Variants in ARHGAP45 observed in about 807,000 individuals in gnomAD.
The protein encoded by ARHGAP45 is Rho GTPase activating protein 45.
ARHGAP45 carries 56 observed loss-of-function variants against 116.1 expected under a neutral mutation model. The observed-to-expected ratio is 0.48, with a 90% CI of 0.39 to 0.60. ARHGAP45 has a LOEUF of 0.60. Among genes scored for constraint, ARHGAP45 ranks in the 20% least tolerant of loss-of-function variants. The pLI is 0.00. For synonymous variants in ARHGAP45, 866 were observed against 701.7 expected, an observed-to-expected ratio of 1.23 and a Z score of -3.70; for missense variants, 1,622 against 1,601.0, an observed-to-expected ratio of 1.01 and a Z score of -0.22.
rs1469610199 is a variant in ARHGAP45, at chr19:1,084,376, A to C, written c.3064+30A>C. 3.8e-6 allele frequency: 6 copies of C among 1,569,418 alleles called. No homozygotes were observed. In the South Asian group the frequency reaches 6.8e-5, roughly 18 times the overall value. On this transcript the variant is annotated intron_variant, in intron 22 of 22. Coordinates refer to ENST00000313093, the MANE Select transcript of ARHGAP45 (RefSeq NM_012292.5). ...GTGTGTGGCTGCCCGAACGGCCCCA[A>C]GGGAGGCTGGCGTGTGCCACCCATG...
In ARHGAP45 at chr19:1,075,027, G is replaced by A. The variant is rs973960618; in HGVS notation, c.1185+148G>A. ...CATGCGCGGCCTCGCAGGCTGGGCC[G>A]CCCCCCCCAACGCCAAGCCGGGTCG... is the stretch of plus-strand genomic sequence containing the variant. On this transcript the variant is annotated intron_variant, in intron 10 of 22. Coordinates refer to ENST00000313093, the MANE Select transcript of ARHGAP45 (RefSeq NM_012292.5). The A allele has an allele frequency of 3.6e-5, 16 of 441,312 alleles. No individual in the cohort carries two copies. In the East Asian group the frequency reaches 6.8e-4, roughly 19 times the overall value. 27.3% of individuals were successfully genotyped at this position (441,312 alleles called of 1,614,324 possible). A position where few individuals can be genotyped will look rare whatever the true frequency, so the allele number is the denominator to read the frequency against.
Position 1,074,388 on chromosome 19 carries a change from G to A in ARHGAP45, c.974G>A (p.Arg325Lys). Residue 325 changes from arginine (R) to lysine (K), a missense_variant, in exon 8 of 23, where the codon AGA (arginine) becomes AAA (lysine). Coordinates refer to ENST00000313093, the MANE Select transcript of ARHGAP45 (RefSeq NM_012292.5). The stretch of plus-strand genomic sequence containing the variant: ...CTGCAGAAGATCGCTCACAACTGCA[G>A]ACAGAGCGTCATGCAGGAGGTGGGG... The part of the protein sequence containing the change: ...KGLQKIAHNC[R>K]QSVMQEPHMP... 6.3e-7 allele frequency: 1 copy of A among 1,586,788 alleles called. No individual in the cohort carries two copies.
At chr19:1,070,137 A>T (rs2043112905) in intron 2 of ARHGAP45, among the ~76,000 whole-genome samples, 1 of 151,784 alleles carries the variant, frequency 6.6e-6, no homozygotes, top group East Asian at 1.9e-4. Flanking sequence ...CTAGGACTAC[A>T]GGTGCGTGCC....
rs1229308855 is a variant in ARHGAP45 at position 1,074,094 on chromosome 19, T to C, written c.791-10T>C. ...TCGGGCCAGGCTGAGCAGGCCCCCG[T>C]TCCCTGCAGGCTGCCTGCCCGCCGA... is the stretch of plus-strand genomic sequence containing the variant. On this transcript the variant is annotated splice_polypyrimidine_tract_variant and intron_variant, in intron 6 of 22. Transcript: ENST00000313093. The C allele has an allele frequency of 1.9e-6, 3 of 1,610,994 alleles. No homozygotes were observed. Among genetic ancestry groups the C allele is most frequent in the Non-Finnish European group, 2.5e-6 (3 of 1,178,876 alleles).
rs760417560 is a variant in ARHGAP45 at position 1,080,673 on chromosome 19, C to T, written c.1913-9C>T. ...TGGGGGAGTCTGAACAGTCCTGATT[C>T]CCGCCCAGGGGACTTTAAGAAGTTC... On this transcript the variant is annotated splice_polypyrimidine_tract_variant and intron_variant, in intron 15 of 22. Coordinates refer to ENST00000313093, the MANE Select transcript of ARHGAP45 (RefSeq NM_012292.5). 5 of 1,612,670 alleles carry T rather than the reference C, an allele frequency of 3.1e-6. No homozygotes were observed. Among genetic ancestry groups the T allele is most frequent in the African/African-American group, 1.3e-5 (1 of 75,048 alleles).
rs2043319047 is a variant in ARHGAP45 at position 1,078,264 on chromosome 19, C to T, written c.1374+219C>T. Among the ~76,000 whole-genome samples the T allele has an allele frequency of 2.6e-5, 4 of 151,318 alleles. No individual in the cohort carries two copies. In the South Asian group the frequency reaches 8.4e-4, roughly 32 times the overall value. On this transcript the variant is annotated intron_variant, in intron 11 of 22. Coordinates refer to ENST00000313093, the MANE Select transcript of ARHGAP45 (RefSeq NM_012292.5). ...GTTCACGCCATTCTCCTGCCTCAGCCTCCCGAGTAGCTGGGACTACAGGCG... is the reference window on the plus strand; with the variant it reads ...GTTCACGCCATTCTCCTGCCTCAGCTTCCCGAGTAGCTGGGACTACAGGCG...
At position 1,081,642 on chromosome 19, in the gene ARHGAP45, G is replaced by C. The variant is rs2043437206; in HGVS notation, c.2283G>C (p.Gln761His). The change falls in exon 18 of 23, where the codon CAG (glutamine) becomes CAC (histidine). Residue 761 changes from glutamine to histidine, a missense_variant. Transcript: ENST00000313093. ...AAGGCCGCCTGCAGCTGTTCGGCCAGGACTTCAGCCACGCGGCCCGCAGCG... is the reference window on the plus strand; with the variant it reads ...AAGGCCGCCTGCAGCTGTTCGGCCACGACTTCAGCCACGCGGCCCGCAGCG... ...KLQGRLQLFG[Q>H]DFSHAARSAP... 4 of 1,579,594 alleles carry C rather than the reference G, an allele frequency of 2.5e-6. No homozygotes were observed. The highest frequency in any genetic ancestry group is 2.6e-6 in the Non-Finnish European group (3 of 1,163,232).
chr19:1,079,987 C>T lies in ARHGAP45; in HGVS notation c.1572C>T (p.Phe524=), dbSNP rs766901664. The T allele has an allele frequency of 9.3e-6, 15 of 1,612,970 alleles. No homozygotes were observed. In the East Asian group the frequency reaches 2.7e-4, roughly 29 times the overall value. Residue 524 remains phenylalanine, a synonymous_variant, in exon 13 of 23, where the codon TTC becomes TTT. Transcript: ENST00000313093. ...AGACGGCGCCGCTGCCCGTGCACTT[C>T]CAGATGCTGTGTGAGAGCAGCAAGC... ...HMQTAPLPVH[F]QMLCESSKLY... is the part of the protein sequence containing the mutation.
chr19:1,067,761 G>T, intron 1 of ARHGAP45: 2 of 658,196 alleles, frequency 3.0e-6, no homozygotes, highest in South Asian at 3.2e-5. Flanking sequence ...GAGGGTGCCG[G>T]GTTGGGACGA....
intron 17 of ARHGAP45, 117 bp downstream of exon 17, chr19:1,081,181 C>G: frequency 8.3e-7 from 1 of 1,210,698 alleles, no homozygotes. Flanking sequence ...CAGTCGGACG[C>G]CTTTGGAAGG....
Position 1,071,715 on chromosome 19 carries a change from C to CG in ARHGAP45, c.422-1430dup, listed in dbSNP as rs1427003793. On this transcript the variant is annotated intron_variant, in intron 2 of 22. Coordinates refer to ENST00000313093, the MANE Select transcript of ARHGAP45 (RefSeq NM_012292.5). The surrounding 1 kb of genome is among the most constrained non-coding windows in gnomAD (Gnocchi z 4.6). ...CCAGCAGCGAAGACATGTTCCGGTC[C>CG]GGGGTCTCAGGCCCGGCGGCGGCCA... 6.6e-6 allele frequency: 1 copy of CG among 152,356 alleles called. No homozygotes were observed. The highest frequency in any genetic ancestry group is 6.5e-5 in the Admixed American group (1 of 15,280). 9.4% of individuals were successfully genotyped at this position (152,356 alleles called of 1,614,324 possible).
At chr19:1,081,790 G>A in intron 18 of ARHGAP45, 34 bp from the exon 19 acceptor site, 1 of 1,585,950 alleles carries the variant, frequency 6.3e-7, no homozygotes, top group South Asian at 1.1e-5. Context: ...GTGGGCCGAG[G>A]CTGATGGGCC....
chr19:1,082,173 G>C (rs1262841865), intron 19 of ARHGAP45, among the ~76,000 whole-genome samples: 2 of 146,290 alleles, frequency 1.4e-5, no homozygotes, highest in Non-Finnish European at 3.0e-5. Flanking sequence ...GGCGGGGCCA[G>C]TTCTGCGCCG....
chr19:1,068,391 A>G lies in ARHGAP45; in HGVS notation c.91-23A>G, dbSNP rs1314098506. 1.3e-6 allele frequency: 2 copies of G among 1,493,202 alleles called. No individual in the cohort carries two copies. The highest frequency in any genetic ancestry group is 1.8e-6 in the Non-Finnish European group (2 of 1,118,160). The allele number at this position is 1,493,202 out of a possible 1,614,324, so 92.5% of individuals were successfully genotyped here. On this transcript the variant is annotated intron_variant, in intron 1 of 22. Transcript: ENST00000313093. This position sits in a 1 kb window ranked among gnomAD's most constrained non-coding sequence, Gnocchi z 7.5. ...TCCAGGCCGGAAAATCCCTTTAACGAGCTCCCCTCGGACCTGCCCAAGGAG... is the reference window on the plus strand; with the variant it reads ...TCCAGGCCGGAAAATCCCTTTAACGGGCTCCCCTCGGACCTGCCCAAGGAG...
intron 2 of ARHGAP45, among the ~76,000 whole-genome samples, chr19:1,072,228 TTTTGTATTTTTAGTAGAGG>T: frequency 6.6e-6 from 1 of 151,212 alleles, no homozygotes; most frequent in Non-Finnish European, 1.5e-5. Flanking sequence ...CGCTGCTACT[TTTTGTATTTTTAGTAGAGG>T]CAGGGTTTCG....
Position 1,068,098 on chromosome 19 carries a change from A to AG in ARHGAP45, c.91-310dup, listed in dbSNP as rs1180024848. Among the ~76,000 whole-genome samples the AG allele has an allele frequency of 1.3e-5, 2 of 151,102 alleles. No homozygotes were observed. Among genetic ancestry groups the AG allele is most frequent in the South Asian group, 2.1e-4 (1 of 4,804 alleles). On this transcript the variant is annotated intron_variant, in intron 1 of 22. Coordinates refer to ENST00000313093, the MANE Select transcript of ARHGAP45 (RefSeq NM_012292.5). The surrounding 1 kb of genome is among the most constrained non-coding windows in gnomAD (Gnocchi z 7.5). ...AAAGCACCTGCGTTGTAGGAGCCTG[A>AG]GGGGGGCTTGAAGGGCTGAGGACCC... is the stretch of plus-strand genomic sequence containing the variant.
At chr19:1,085,609 T>TC in intron 22 of ARHGAP45, 51 bp from the exon 23 acceptor site, 2 of 1,357,172 alleles carry the variant, frequency 1.5e-6, no homozygotes, top group Non-Finnish European at 2.0e-6. Context: ...CCCTTGTCTC[T>TC]CCTCCATCTC....
chr19:1,074,537 G>T, intron 8 of ARHGAP45, 77 bp from the exon 9 acceptor site: 1 of 1,422,520 alleles, frequency 7.0e-7, no homozygotes, highest in Non-Finnish European at 9.5e-7. Flanking sequence ...CAGGGACCAG[G>T]GAGCTGGTGG....
At position 1,067,260 on chromosome 19, in the gene ARHGAP45, G is replaced by A; in HGVS notation, c.-146G>A. 2.2e-6 allele frequency: 3 copies of A among 1,385,786 alleles called. No individual in the cohort carries two copies. The highest frequency in any genetic ancestry group is 3.4e-5 in the South Asian group (2 of 59,220). The allele number at this position is 1,385,786 out of a possible 1,614,324, so 85.8% of individuals were successfully genotyped here. A position where few individuals can be genotyped will look rare whatever the true frequency, so the allele number is the denominator to read the frequency against. ...CCTTTTCCTGTTGGGGGGAGGGCCC[G>A]CCAGTGACGGCCGGGCCTGTCACGT... On this transcript the variant is annotated 5_prime_UTR_variant, in exon 1 of 23. Coordinates refer to ENST00000313093, the MANE Select transcript of ARHGAP45 (RefSeq NM_012292.5).
Sources: gnomAD v4.1 joint callset for allele counts (sites outside exome capture counted in the v4.1 genomes callset) on GRCh38, gnomAD v4.1.1 for gene constraint, Gnocchi (gnomAD v3.1) non-coding constraint, MANE v1.5 for transcripts, NCBI Gene and HGNC (gene_info 2026-07-23, HGNC 2026-07-21) for gene names.